Variants in FSTL4 observed in about 807,000 individuals in gnomAD.
The protein encoded by FSTL4 is follistatin like 4, also known as follistatin-related protein 4.
Under a neutral mutation model 78.2 loss-of-function variants are expected in FSTL4, and 28 were observed. The observed-to-expected ratio is 0.36, with a 90% CI of 0.27 to 0.49. The LOEUF is 0.49. FSTL4 is among the 20% of genes least tolerant of loss of function. The pLI is 0.98. For missense variants in FSTL4, 922 were observed against 1,084.9 expected, an observed-to-expected ratio of 0.85 and a Z score of 2.11; for synonymous variants, 422 against 440.5, an observed-to-expected ratio of 0.96 and a Z score of 0.53.
In FSTL4 at chr5:133,430,541, A is replaced by G. The variant is rs530077948; in HGVS notation, c.161-29555T>C. On this transcript the variant is annotated intron_variant, in intron 3 of 15. Transcript: ENST00000265342. The stretch of plus-strand genomic sequence containing the variant: ...TTGGTCACAGATGCACCCATGAACT[A>G]GCAAGAGAAGTGGAGGAAAAACTGT... Among the ~76,000 whole-genome samples, 61 of 152,222 alleles carry G rather than the reference A, an allele frequency of 4.0e-4. 1 individual carries two copies. The highest frequency in any genetic ancestry group is 7.9e-4 in the Non-Finnish European group (54 of 68,044).
chr5:133,509,959 T>C (rs1382929923), intron 3 of FSTL4, among the ~76,000 whole-genome samples: 3 of 152,230 alleles, frequency 2.0e-5, no homozygotes, highest in Admixed American at 6.5e-5. Flanking sequence ...AAACATCTGG[T>C]TTCCGATATG....
At chr5:133,425,528 A>G (rs1456038647) in intron 3 of FSTL4, among the ~76,000 whole-genome samples, 2 of 152,258 alleles carry the variant, frequency 1.3e-5, no homozygotes, top group Admixed American at 6.5e-5. Context: ...AAAACCTGGA[A>G]AAGTAATTAG....
the FSTL4 span, among the ~76,000 whole-genome samples, chr5:133,741,052 A>G: frequency 6.6e-6 from 1 of 152,078 alleles, no homozygotes; most frequent in Non-Finnish European, 1.5e-5. Flanking sequence ...AAAGGAGAGG[A>G]AAAGAGAGCA....
the FSTL4 span, among the ~76,000 whole-genome samples, chr5:133,673,238 G>A: frequency 6.6e-6 from 1 of 152,198 alleles, no homozygotes; most frequent in African/African-American, 2.4e-5. Flanking sequence ...GGGGCCCAAG[G>A]TATTTTCCTT....
At chr5:133,346,315 T>C (rs1442730938) in intron 4 of FSTL4, among the ~76,000 whole-genome samples, 4 of 152,144 alleles carry the variant, frequency 2.6e-5, no homozygotes, top group Middle Eastern at 3.4e-3. Context: ...ACCTAGATGA[T>C]GGGTTGATGG....
At chr5:133,355,564 G>A (rs1233679508) in intron 4 of FSTL4, among the ~76,000 whole-genome samples, 2 of 152,188 alleles carry the variant, frequency 1.3e-5, no homozygotes, top group Non-Finnish European at 2.9e-5. Flanking sequence ...GCTGAGGCAG[G>A]AGAATTGCTT....
chr5:133,693,149 C>T, the FSTL4 span, among the ~76,000 whole-genome samples: 2 of 152,200 alleles, frequency 1.3e-5, no homozygotes, highest in African/African-American at 2.4e-5. Context: ...AGGGTCTTGA[C>T]AGGGCCATTG....
the FSTL4 span, among the ~76,000 whole-genome samples, chr5:133,660,481 C>G: frequency 6.6e-6 from 1 of 152,246 alleles, no homozygotes; most frequent in African/African-American, 2.4e-5. Flanking sequence ...CTGCTGGCCA[C>G]AGGCCCCCTG....
At chr5:133,822,502 C>G in the FSTL4 span, among the ~76,000 whole-genome samples, 1 of 152,070 alleles carries the variant, frequency 6.6e-6, no homozygotes, top group Non-Finnish European at 1.5e-5. Flanking sequence ...CACACAGAAC[C>G]ATTGTTTATT....
chr5:133,597,415 T>C (rs1760761981), intron 2 of FSTL4, among the ~76,000 whole-genome samples: 2 of 152,174 alleles, frequency 1.3e-5, no homozygotes, highest in African/African-American at 4.8e-5. Flanking sequence ...GGAGCCCCAT[T>C]TACAATGCAC....
intron 6 of FSTL4, among the ~76,000 whole-genome samples, chr5:133,290,765 G>A (rs1265864314): frequency 2.0e-5 from 3 of 152,220 alleles, no homozygotes; most frequent in Admixed American, 6.5e-5. Flanking sequence ...ACTTGGGGAT[G>A]GACAGGCCGG....
At chr5:133,461,081 T>C (rs1272608486) in intron 3 of FSTL4, among the ~76,000 whole-genome samples, 5 of 152,232 alleles carry the variant, frequency 3.3e-5, no homozygotes, top group Non-Finnish European at 5.9e-5. Flanking sequence ...AAAATGCATT[T>C]TTGTTTTCAA....
intron 3 of FSTL4, among the ~76,000 whole-genome samples, chr5:133,563,069 T>C (rs1333569624): frequency 1.3e-5 from 2 of 152,028 alleles, no homozygotes; most frequent in African/African-American, 2.4e-5. Context: ...GATGCAGCCA[T>C]CACTCTTTCC....
At chr5:133,768,805 C>T in the FSTL4 span, among the ~76,000 whole-genome samples, 1 of 152,190 alleles carries the variant, frequency 6.6e-6, no homozygotes, top group African/African-American at 2.4e-5. Flanking sequence ...AAGAATAAAG[C>T]TCCAATATTA....
chr5:133,435,052 AT>A (rs1286094512), intron 3 of FSTL4, among the ~76,000 whole-genome samples: 1 of 151,986 alleles, frequency 6.6e-6, no homozygotes, highest in African/African-American at 2.4e-5. Flanking sequence ...CCAGTTTTTC[AT>A]TTGCCTTATG....
the FSTL4 span, among the ~76,000 whole-genome samples, chr5:133,653,145 A>G: frequency 1.3e-5 from 2 of 152,232 alleles, no homozygotes; most frequent in African/African-American, 4.8e-5. Context: ...GTCAGGCTGT[A>G]GACTGTTAAT....
the FSTL4 span, among the ~76,000 whole-genome samples, chr5:133,828,083 G>A: frequency 2.0e-5 from 3 of 152,078 alleles, no homozygotes; most frequent in Non-Finnish European, 2.9e-5. Context: ...CATTGGGTTG[G>A]GGACATATGG....
chr5:133,282,356 A>G (rs1186388087), intron 6 of FSTL4, among the ~76,000 whole-genome samples: 1 of 151,794 alleles, frequency 6.6e-6, no homozygotes, highest in Non-Finnish European at 1.5e-5. Flanking sequence ...TTCCTGGTAG[A>G]TCCTTGCATG....
intron 14 of FSTL4, among the ~76,000 whole-genome samples, chr5:133,204,106 G>C (rs1221718032): frequency 2.6e-5 from 4 of 152,250 alleles, no homozygotes; most frequent in African/African-American, 9.6e-5. Flanking sequence ...ATCTCCCTCA[G>C]AGGGGTGTAT....
Sources: allele counts gnomAD v4.1 joint callset (sites outside exome capture counted in the v4.1 genomes callset), GRCh38; gene constraint gnomAD v4.1.1; transcripts MANE v1.5; gene names NCBI Gene and HGNC (gene_info 2026-07-23, HGNC 2026-07-21).